The following EML1 variants were observed in gnomAD, a reference collection of about 807,000 sequenced individuals.
EML1 encodes echinoderm microtubule-associated protein-like 1.
In EML1, 27 loss-of-function variants were observed where a neutral mutation model predicts 110.4. The ratio of observed to expected loss-of-function variants is 0.24; its 90% CI spans 0.18 to 0.34. The LOEUF (loss-of-function observed/expected upper bound fraction) is 0.34, where lower values mean the gene tolerates loss of function less well. EML1 is among the 10% of genes least tolerant of loss of function. The pLI is 1.00. For synonymous variants in EML1, 344 were observed against 385.8 expected (o/e 0.89, Z 1.27); for missense variants, 741 against 1,030.9 (o/e 0.72, Z 3.85).
At chr14:99,921,635 C>G (rs1463462761) in intron 17 of EML1, among the ~76,000 whole-genome samples, 2 of 152,178 alleles carry the variant, frequency 1.3e-5, no homozygotes, top group Admixed American at 1.3e-4. Flanking sequence ...TCTGGAGCCC[C>G]ACCCACCACC....
intron 1 of EML1, among the ~76,000 whole-genome samples, chr14:99,751,332 C>T (rs1036389196): frequency 1.3e-5 from 2 of 152,072 alleles, no homozygotes; most frequent in Non-Finnish European, 2.9e-5. Flanking sequence ...TGGGAGGTAA[C>T]AAGGGGCCAC....
At chr14:99,920,052 G>A (rs2060104222) in intron 16 of EML1, among the ~76,000 whole-genome samples, 1 of 152,062 alleles carries the variant, frequency 6.6e-6, no homozygotes, top group Admixed American at 6.6e-5. Context: ...TAACAGGCAG[G>A]AGAGTTCAGT....
intron 1 of EML1, among the ~76,000 whole-genome samples, chr14:99,849,493 G>A (rs1412828836): frequency 6.7e-6 from 1 of 149,314 alleles, no homozygotes; most frequent in African/African-American, 2.5e-5. Flanking sequence ...TCTCATAATT[G>A]TGTGTGTGTA....
chr14:99,836,978 G>A (rs1173983659), intron 1 of EML1, among the ~76,000 whole-genome samples: 1 of 149,038 alleles, frequency 6.7e-6, no homozygotes, highest in Non-Finnish European at 1.5e-5. Flanking sequence ...GGTGAGCTCT[G>A]GTAATTGTTC....
At chr14:99,764,503 C>T (rs766922175) in intron 1 of EML1, among the ~76,000 whole-genome samples, 50 of 152,346 alleles carry the variant, frequency 3.3e-4, no homozygotes, top group Middle Eastern at 3.4e-3. Flanking sequence ...TGACAAGCTC[C>T]CAGGTTTAGC....
chr14:99,865,495 T>C lies in EML1; in HGVS notation c.251-19T>C. 2 of 1,613,104 alleles carry C rather than the reference T, an allele frequency of 1.2e-6. No homozygotes were observed. Among genetic ancestry groups the C allele is most frequent in the Non-Finnish European group, 1.7e-6 (2 of 1,179,578 alleles). On this transcript the variant is annotated intron_variant, in intron 2 of 21. Transcript: ENST00000262233. ...TGCAAAGGGGAACTTTCTGATATTA[T>C]TTTCTGCTTGTCTTACAGCAAGACC...
At chr14:99,785,213 ACTGG>A (rs1469021503) in intron 1 of EML1, among the ~76,000 whole-genome samples, 1 of 151,928 alleles carries the variant, frequency 6.6e-6, no homozygotes, top group African/African-American at 2.4e-5. Flanking sequence ...CGCCACCATG[ACTGG>A]CTATTTTTTG....
chr14:99,738,923 C>G (rs1413949535), intron 1 of EML1, among the ~76,000 whole-genome samples: 1 of 152,152 alleles, frequency 6.6e-6, no homozygotes. Context: ...CTCGGAGGCT[C>G]TCGGAACTCA....
intron 1 of EML1, among the ~76,000 whole-genome samples, chr14:99,841,931 A>G (rs1372953125): frequency 6.6e-6 from 1 of 152,216 alleles, no homozygotes; most frequent in East Asian, 1.9e-4. Flanking sequence ...TCCAGTTCAC[A>G]CAAAAGTTTT....
At chr14:99,926,203 C>T (rs1021790210) in intron 17 of EML1, among the ~76,000 whole-genome samples, 4 of 151,892 alleles carry the variant, frequency 2.6e-5, no homozygotes, top group African/African-American at 9.7e-5. Context: ...TTCATAATTG[C>T]TTTATGGGGA....
At chr14:99,914,801 G>T in intron 15 of EML1, 104 bp downstream of exon 15, 1 of 1,423,112 alleles carries the variant, frequency 7.0e-7, no homozygotes. Context: ...TTGTCCCAAA[G>T]CAAATGTTAT....
intron 1 of EML1, among the ~76,000 whole-genome samples, chr14:99,762,582 G>C (rs1318508767): frequency 6.6e-6 from 1 of 152,168 alleles, no homozygotes; most frequent in African/African-American, 2.4e-5. Context: ...AGGATTACTT[G>C]AGCCCAAGAG....
intron 1 of EML1, among the ~76,000 whole-genome samples, chr14:99,821,701 T>G (rs1225535734): frequency 2.0e-5 from 3 of 152,190 alleles, no homozygotes; most frequent in African/African-American, 4.8e-5. Flanking sequence ...CACTCCAGCC[T>G]GGGCAGAAGG....
intron 1 of EML1, among the ~76,000 whole-genome samples, chr14:99,811,204 CAG>C (rs909907791): frequency 6.6e-6 from 1 of 150,834 alleles, no homozygotes; most frequent in Non-Finnish European, 1.5e-5. Context: ...TTTTTTGAAA[CAG>C]GGTCTCGCTC....
chr14:99,754,993 T>A (rs1387105992), intron 1 of EML1, among the ~76,000 whole-genome samples: 1 of 152,186 alleles, frequency 6.6e-6, no homozygotes, highest in African/African-American at 2.4e-5. Flanking sequence ...ATCCCGCTAA[T>A]GGTTTATCTT....
At chr14:99,768,759 T>C (rs960465236), upstream of EML1, among the ~76,000 whole-genome samples, 4 of 150,006 alleles carry the variant, frequency 2.7e-5, no homozygotes, top group African/African-American at 7.4e-5. Flanking sequence ...CCCTTTGTCA[T>C]CAGGCTGGAG....
chr14:99,779,980 C>G (rs2057522516), intron 1 of EML1, among the ~76,000 whole-genome samples: 1 of 152,128 alleles, frequency 6.6e-6, no homozygotes, highest in South Asian at 2.1e-4. Context: ...AAATTTATTC[C>G]TCACTATTCT....
At chr14:99,866,309 G>A (rs1294058261) in intron 3 of EML1, among the ~76,000 whole-genome samples, 1 of 151,884 alleles carries the variant, frequency 6.6e-6, no homozygotes, top group African/African-American at 2.4e-5. Flanking sequence ...GGTGGCTCAT[G>A]CCTGTAATTC....
At chr14:99,761,924 CAA>C (rs35254638) in intron 1 of EML1, among the ~76,000 whole-genome samples, 21,812 of 127,358 alleles carry the variant, frequency 0.17, 1,627 homozygotes, top group South Asian at 0.27. Context: ...GACTCTGTCT[CAA>C]AAAAAAAAAA....
Sources: allele counts gnomAD v4.1 joint callset (sites outside exome capture counted in the v4.1 genomes callset), GRCh38; gene constraint gnomAD v4.1.1; transcripts MANE v1.5; gene names NCBI Gene and HGNC (gene_info 2026-07-23, HGNC 2026-07-21).